Variants in CYTH1 observed in about 807,000 individuals in gnomAD.
CYTH1 encodes cytohesin-1.
CYTH1 carries 18 observed loss-of-function variants against 61.8 expected under a neutral mutation model. The ratio of observed to expected loss-of-function variants is 0.29; its 90% CI spans 0.20 to 0.43. The LOEUF (loss-of-function observed/expected upper bound fraction) is 0.43, where lower values mean the gene tolerates loss of function less well. CYTH1 is among the 20% of genes least tolerant of loss of function. CYTH1 has a pLI of 1.00. For missense variants in CYTH1, 336 were observed against 510.5 expected (o/e 0.66, Z 3.29); for synonymous variants, 174 against 184.3 (o/e 0.94, Z 0.45).
chr17:78,760,022 C>T lies in CYTH1; in HGVS notation c.22+22180G>A, dbSNP rs150323072. ...ACTCATTCCTGGATCTGCCCTGGTACGTTTGGTATGGCTAGAGTAAGGAAC... is the reference window on the plus strand; with the variant it reads ...ACTCATTCCTGGATCTGCCCTGGTATGTTTGGTATGGCTAGAGTAAGGAAC... On this transcript the variant is annotated intron_variant, in intron 1 of 13. Transcript: ENST00000446868. Among the ~76,000 whole-genome samples, 408 of 152,144 alleles carry T rather than the reference C, an allele frequency of 2.7e-3. 1 individual carries two copies. The highest frequency in any genetic ancestry group is 9.1e-3 in the African/African-American group (378 of 41,490).
intron 7 of CYTH1, among the ~76,000 whole-genome samples, chr17:78,699,235 G>A (rs190936397): frequency 2.1e-4 from 32 of 152,148 alleles, no homozygotes; most frequent in Admixed American, 4.6e-4. Flanking sequence ...GTGGCTGCAC[G>A]CGCCTGTAAT....
chr17:78,755,302 A>G (rs2093396161), intron 1 of CYTH1, among the ~76,000 whole-genome samples: 1 of 152,012 alleles, frequency 6.6e-6, no homozygotes, highest in African/African-American at 2.4e-5. Flanking sequence ...CCACCTCCAG[A>G]GTAGCTTTCT....
At chr17:78,711,972 G>A (rs1277624434) in intron 1 of CYTH1, among the ~76,000 whole-genome samples, 5 of 151,722 alleles carry the variant, frequency 3.3e-5, no homozygotes, top group Admixed American at 1.3e-4. Flanking sequence ...CCAGCTACTC[G>A]GGGGGCTGAC....
At chr17:78,683,138 T>C (rs1389576631) in intron 11 of CYTH1, among the ~76,000 whole-genome samples, 3 of 152,228 alleles carry the variant, frequency 2.0e-5, no homozygotes, top group African/African-American at 7.2e-5. Flanking sequence ...AGGAGGATTT[T>C]TTTTTATTAT....
intron 1 of CYTH1, among the ~76,000 whole-genome samples, chr17:78,780,769 G>A (rs1010544571): frequency 5.9e-5 from 9 of 152,188 alleles, no homozygotes; most frequent in Admixed American, 1.3e-4. Context: ...CACTTTGGGA[G>A]GCCGAGGCGG....
At chr17:78,747,828 C>T (rs1293412802) in intron 1 of CYTH1, among the ~76,000 whole-genome samples, 1 of 152,138 alleles carries the variant, frequency 6.6e-6, no homozygotes, top group Admixed American at 6.6e-5. Flanking sequence ...CTTTGGGGTT[C>T]TTATGAAAAC....
At chr17:78,709,773 T>G in intron 1 of CYTH1, 41 bp from the exon 2 acceptor site, 1 of 1,591,980 alleles carries the variant, frequency 6.3e-7, no homozygotes, top group Non-Finnish European at 8.6e-7. Flanking sequence ...AGCTTTTATC[T>G]CGCCAAAAAT....
At chr17:78,737,138 G>C (rs946372764) in intron 1 of CYTH1, among the ~76,000 whole-genome samples, 1 of 152,160 alleles carries the variant, frequency 6.6e-6, no homozygotes, top group Non-Finnish European at 1.5e-5. Context: ...TTCAAGTACA[G>C]TTGTCCCTTG....
At chr17:78,690,472 G>T (rs1374486202) in intron 11 of CYTH1, among the ~76,000 whole-genome samples, 1 of 143,378 alleles carries the variant, frequency 7.0e-6, no homozygotes, top group East Asian at 2.1e-4. Flanking sequence ...CTGAGGTCAG[G>T]AGTTCAAGAC....
rs745470830 is a variant in CYTH1, at chr17:78,772,778, C to T, written c.22+9424G>A. Among the ~76,000 whole-genome samples, 322 of 152,126 alleles carry T rather than the reference C, an allele frequency of 2.1e-3. 2 individuals carry two copies. Among genetic ancestry groups the T allele is most frequent in the Non-Finnish European group, 9.6e-4 (65 of 67,992 alleles). Reference sequence around the variant, plus strand: ...GTCTCGATCTCTTGACCTCATGATCCGGCCACCTTGGCCTCCCAAAGTGTT... The same window carrying T: ...GTCTCGATCTCTTGACCTCATGATCTGGCCACCTTGGCCTCCCAAAGTGTT... On this transcript the variant is annotated intron_variant, in intron 1 of 13. Transcript: ENST00000446868.
intron 1 of CYTH1, among the ~76,000 whole-genome samples, chr17:78,726,814 G>A (rs188624398): frequency 6.6e-6 from 1 of 152,192 alleles, no homozygotes; most frequent in South Asian, 2.1e-4. Flanking sequence ...AGAAAGAAAA[G>A]GGACTGGAAG....
chr17:78,781,808 C>T (rs1366834495), intron 1 of CYTH1, among the ~76,000 whole-genome samples: 1 of 152,010 alleles, frequency 6.6e-6, no homozygotes, highest in African/African-American at 2.4e-5. Flanking sequence ...ACTGCGACCC[C>T]TGCCCCGGGG....
intron 1 of CYTH1, among the ~76,000 whole-genome samples, chr17:78,756,988 C>CTTT (rs869039489): frequency 1.5e-4 from 19 of 129,744 alleles, no homozygotes; most frequent in African/African-American, 2.8e-4. Context: ...TCTTTTTTTT[C>CTTT]TTTTTTTTTT....
intron 11 of CYTH1, among the ~76,000 whole-genome samples, chr17:78,686,299 A>G (rs184342503): frequency 3.9e-5 from 6 of 152,378 alleles, no homozygotes; most frequent in Admixed American, 1.3e-4. Context: ...AAGAATAAAT[A>G]AGTTATAATT....
chr17:78,757,092 C>A (rs1049650135), intron 1 of CYTH1, among the ~76,000 whole-genome samples: 1 of 148,982 alleles, frequency 6.7e-6, no homozygotes, highest in Non-Finnish European at 1.5e-5. Flanking sequence ...GGACTACAGA[C>A]GCCCGCCACC....
At chr17:78,694,889 C>A (rs1187435014) in intron 10 of CYTH1, among the ~76,000 whole-genome samples, 1 of 152,110 alleles carries the variant, frequency 6.6e-6, no homozygotes, top group African/African-American at 2.4e-5. Flanking sequence ...GGGAACATTT[C>A]CACGTGGAAA....
chr17:78,765,206 C>T (rs1311408013), intron 1 of CYTH1, among the ~76,000 whole-genome samples: 3 of 152,178 alleles, frequency 2.0e-5, no homozygotes, highest in South Asian at 2.1e-4. Flanking sequence ...GCAGGATCAC[C>T]GGGAGGCCCT....
At chr17:78,735,545 G>A (rs991708974) in intron 1 of CYTH1, among the ~76,000 whole-genome samples, 1 of 152,188 alleles carries the variant, frequency 6.6e-6, no homozygotes, top group Admixed American at 6.5e-5. Context: ...CAGAAGTATC[G>A]TTATGGACAC....
At chr17:78,755,530 T>C (rs1383476623) in intron 1 of CYTH1, among the ~76,000 whole-genome samples, 1 of 143,898 alleles carries the variant, frequency 6.9e-6, no homozygotes, top group Non-Finnish European at 1.5e-5. Flanking sequence ...ACACAGAATA[T>C]ACATTGTAAC....
Sources: allele counts gnomAD v4.1 joint callset (sites outside exome capture counted in the v4.1 genomes callset), GRCh38; gene constraint gnomAD v4.1.1; transcripts MANE v1.5; gene names NCBI Gene and HGNC (gene_info 2026-07-23, HGNC 2026-07-21).